Variants in DRC11 observed in about 807,000 individuals in gnomAD.
The protein encoded by DRC11 is dynein regulatory complex subunit 11.
At chr2:236,336,923 G>T in the DRC11 span, among the ~76,000 whole-genome samples, 1 of 152,150 alleles carries the variant, frequency 6.6e-6, no homozygotes, top group Non-Finnish European at 1.5e-5. The surrounding 1 kb of genome is among the most constrained non-coding windows in gnomAD (Gnocchi z 7.3). Flanking sequence ...TGTGGCTTGT[G>T]AGGCTGGGTC....
At chr2:236,433,874 T>G in the DRC11 span, among the ~76,000 whole-genome samples, 3 of 152,244 alleles carry the variant, frequency 2.0e-5, no homozygotes, top group Non-Finnish European at 2.9e-5. Flanking sequence ...TCTTTAAGCA[T>G]GACACTGGGT....
chr2:236,362,338 T>G, the DRC11 span, among the ~76,000 whole-genome samples: 1 of 152,308 alleles, frequency 6.6e-6, no homozygotes, highest in East Asian at 1.9e-4. This position sits in a 1 kb window ranked among gnomAD's most constrained non-coding sequence, Gnocchi z 5.7. Context: ...CTGCCACCCT[T>G]AAGACAGCAA....
chr2:236,317,538 G>A, the DRC11 span, among the ~76,000 whole-genome samples: 1 of 152,144 alleles, frequency 6.6e-6, no homozygotes, highest in Non-Finnish European at 1.5e-5. The surrounding 1 kb of genome is among the most constrained non-coding windows in gnomAD (Gnocchi z 5.4). Context: ...TGGAAATCAG[G>A]ACAATAGTTG....
the DRC11 span, among the ~76,000 whole-genome samples, chr2:236,388,536 G>T: frequency 3.9e-4 from 59 of 151,038 alleles, no homozygotes; most frequent in Non-Finnish European, 6.5e-4. Flanking sequence ...CACTTCTCTG[G>T]ATTGGTTATT....
At chr2:236,447,496 T>TA in the DRC11 span, among the ~76,000 whole-genome samples, 2 of 147,950 alleles carry the variant, frequency 1.4e-5, no homozygotes, top group Admixed American at 6.6e-5. This position sits in a 1 kb window ranked among gnomAD's most constrained non-coding sequence, Gnocchi z 4.6. Flanking sequence ...TGATGGGACT[T>TA]ACGTTTTAAG....
chr2:236,493,123 C>T, the DRC11 span, among the ~76,000 whole-genome samples: 5 of 152,268 alleles, frequency 3.3e-5, no homozygotes, highest in African/African-American at 1.2e-4. Flanking sequence ...AGGTGAAAGG[C>T]ACATCTCATA....
At chr2:236,417,419 T>A in the DRC11 span, among the ~76,000 whole-genome samples, 2 of 152,234 alleles carry the variant, frequency 1.3e-5, no homozygotes, top group East Asian at 3.9e-4. Flanking sequence ...GGTCAGAACA[T>A]CCTTGTAACA....
chr2:236,472,381 C>T, the DRC11 span, among the ~76,000 whole-genome samples: 5 of 152,172 alleles, frequency 3.3e-5, no homozygotes, highest in African/African-American at 1.2e-4. The surrounding 1 kb of genome is among the most constrained non-coding windows in gnomAD (Gnocchi z 4.6). Flanking sequence ...TACTCCAAAC[C>T]CTTTGCTTTA....
At chr2:236,309,161 C>CCGAGTGG in the DRC11 span, among the ~76,000 whole-genome samples, 2 of 152,172 alleles carry the variant, frequency 1.3e-5, no homozygotes, top group Admixed American at 1.3e-4. The surrounding 1 kb of genome is among the most constrained non-coding windows in gnomAD (Gnocchi z 5.7). Context: ...CGCACAGTGG[C>CCGAGTGG]CGAGAACTCC....
chr2:236,314,069 A>G, the DRC11 span, among the ~76,000 whole-genome samples: 1 of 152,324 alleles, frequency 6.6e-6, no homozygotes, highest in African/African-American at 2.4e-5. The surrounding 1 kb of genome is among the most constrained non-coding windows in gnomAD (Gnocchi z 4.5). Flanking sequence ...AATGAGTACA[A>G]GGAAAATGGT....
chr2:236,447,096 C>T, the DRC11 span, among the ~76,000 whole-genome samples: 3 of 151,620 alleles, frequency 2.0e-5, no homozygotes, highest in African/African-American at 4.9e-5. This position sits in a 1 kb window ranked among gnomAD's most constrained non-coding sequence, Gnocchi z 4.6. Flanking sequence ...TCATCTCTGT[C>T]TCCTTCCCAG....
the DRC11 span, among the ~76,000 whole-genome samples, chr2:236,318,568 T>TGTGTG: frequency 4.1e-4 from 57 of 140,002 alleles, no homozygotes; most frequent in Middle Eastern, 3.5e-3. The surrounding 1 kb of genome is among the most constrained non-coding windows in gnomAD (Gnocchi z 7.0). Flanking sequence ...GAGTGGTCCA[T>TGTGTG]GTGTGTGTTT....
the DRC11 span, among the ~76,000 whole-genome samples, chr2:236,497,683 A>G: frequency 3.9e-5 from 6 of 152,210 alleles, no homozygotes; most frequent in Non-Finnish European, 7.3e-5. This position sits in a 1 kb window ranked among gnomAD's most constrained non-coding sequence, Gnocchi z 5.1. Flanking sequence ...ATGTACCACC[A>G]CTATTATCAT....
the DRC11 span, among the ~76,000 whole-genome samples, chr2:236,307,290 CT>C: frequency 6.6e-6 from 1 of 152,148 alleles, no homozygotes. The surrounding 1 kb of genome is among the most constrained non-coding windows in gnomAD (Gnocchi z 7.0). Context: ...AGCAGACCCC[CT>C]GGCTCCTACG....
the DRC11 span, among the ~76,000 whole-genome samples, chr2:236,416,727 A>T: frequency 2.8e-3 from 73 of 25,868 alleles, 2 homozygotes; most frequent in African/African-American, 8.4e-3. Context: ...ATATTTATAT[A>T]TATATATATA....
At chr2:236,347,508 C>CTCTATATATATATA in the DRC11 span, among the ~76,000 whole-genome samples, 89 of 107,524 alleles carry the variant, frequency 8.3e-4, 8 homozygotes, top group Non-Finnish European at 1.4e-3. Flanking sequence ...AAAAACTGTG[C>CTCTATATATATATA]TATATATATA....
the DRC11 span, among the ~76,000 whole-genome samples, chr2:236,387,020 C>T: frequency 6.6e-6 from 1 of 151,344 alleles, no homozygotes; most frequent in African/African-American, 2.4e-5. Flanking sequence ...GCACTGTGGT[C>T]TGAGAGATAG....
At chr2:236,439,630 G>C in the DRC11 span, among the ~76,000 whole-genome samples, 1 of 151,808 alleles carries the variant, frequency 6.6e-6, no homozygotes. Flanking sequence ...GGTTTCCTAG[G>C]GAGATAATTA....
At chr2:236,470,237 A>G in the DRC11 span, among the ~76,000 whole-genome samples, 1 of 152,214 alleles carries the variant, frequency 6.6e-6, no homozygotes, top group Non-Finnish European at 1.5e-5. The surrounding 1 kb of genome is among the most constrained non-coding windows in gnomAD (Gnocchi z 5.1). Context: ...CTGCAAATAT[A>G]CTTGCAAATA....
Sources: gnomAD v4.1 joint callset for allele counts (sites outside exome capture counted in the v4.1 genomes callset) on GRCh38, gnomAD v4.1.1 for gene constraint, Gnocchi (gnomAD v3.1) non-coding constraint, MANE v1.5 for transcripts, NCBI Gene and HGNC (gene_info 2026-07-23, HGNC 2026-07-21) for gene names.